Variants in FAF1 observed in about 807,000 individuals in gnomAD.
FAF1 encodes FAS-associated factor 1.
FAF1 carries 25 observed loss-of-function variants against 92.5 expected under a neutral mutation model. The observed-to-expected ratio is 0.27, with a 90% CI of 0.20 to 0.38. The LOEUF is 0.38. Ranked by LOEUF, FAF1 falls within the 10% of genes least tolerant of loss-of-function variation. The pLI is 1.00. For synonymous variants in FAF1, 234 were observed against 273.2 expected (o/e 0.86, Z 1.42); for missense variants, 636 against 793.3 (o/e 0.80, Z 2.38).
intron 6 of FAF1, among the ~76,000 whole-genome samples, chr1:50,732,986 G>C (rs183342093): frequency 1.1e-4 from 17 of 150,900 alleles, no homozygotes; most frequent in Non-Finnish European, 2.4e-4. Context: ...AGTATTTCTA[G>C]CCTTCTTCAA....
chr1:50,518,994 AAAC>A (rs1647346130), intron 15 of FAF1, among the ~76,000 whole-genome samples: 1 of 152,168 alleles, frequency 6.6e-6, no homozygotes, highest in African/African-American at 2.4e-5. Flanking sequence ...TTCTTCAGTG[AAAC>A]AACAGTGGGC....
At chr1:50,602,610 C>G (rs1557429940) in intron 8 of FAF1, among the ~76,000 whole-genome samples, 1 of 150,194 alleles carries the variant, frequency 6.7e-6, no homozygotes, top group Non-Finnish European at 1.5e-5. Context: ...TCAAACGATT[C>G]TCCTGCCTCA....
intron 6 of FAF1, among the ~76,000 whole-genome samples, chr1:50,731,502 T>C (rs1658922268): frequency 6.6e-6 from 1 of 151,956 alleles, no homozygotes; most frequent in Admixed American, 6.6e-5. Context: ...CCCCAGTAGC[T>C]GGGACTACAG....
At chr1:50,706,342 A>G (rs1241116594) in intron 6 of FAF1, among the ~76,000 whole-genome samples, 1 of 152,238 alleles carries the variant, frequency 6.6e-6, no homozygotes, top group Non-Finnish European at 1.5e-5. Context: ...GTCAAAATTC[A>G]GAAGATATTG....
intron 2 of FAF1, among the ~76,000 whole-genome samples, chr1:50,825,309 T>C (rs1357294861): frequency 2.0e-5 from 3 of 151,926 alleles, no homozygotes; most frequent in African/African-American, 7.2e-5. Flanking sequence ...AACCTAAAAA[T>C]GTTAAAATGA....
intron 15 of FAF1, among the ~76,000 whole-genome samples, chr1:50,496,005 T>C (rs1309333062): frequency 1.3e-5 from 2 of 152,106 alleles, no homozygotes; most frequent in Non-Finnish European, 2.9e-5. Context: ...AATAAAATAT[T>C]TTATGAGTTG....
intron 6 of FAF1, among the ~76,000 whole-genome samples, chr1:50,707,564 T>C (rs901909523): frequency 6.6e-6 from 1 of 151,074 alleles, no homozygotes; most frequent in Non-Finnish European, 1.5e-5. Context: ...TAGCTGGGCG[T>C]CGTGCTGGGC....
intron 18 of FAF1, among the ~76,000 whole-genome samples, chr1:50,456,975 C>T (rs921242012): frequency 6.6e-6 from 1 of 152,106 alleles, no homozygotes. Flanking sequence ...CTTGAACCAG[C>T]CATTTCTGCT....
At chr1:50,631,429 A>T (rs943176038) in intron 8 of FAF1, among the ~76,000 whole-genome samples, 2 of 152,160 alleles carry the variant, frequency 1.3e-5, no homozygotes, top group African/African-American at 4.8e-5. Context: ...AGTAGACCTT[A>T]TCAGATTTAT....
intron 8 of FAF1, among the ~76,000 whole-genome samples, chr1:50,631,148 C>T (rs753855497): frequency 5.3e-5 from 8 of 152,198 alleles, no homozygotes; most frequent in South Asian, 2.1e-4. Context: ...ACTGTCTAAA[C>T]GCATTTTTTT....
At chr1:50,608,024 A>G (rs576360330) in intron 8 of FAF1, among the ~76,000 whole-genome samples, 4 of 152,244 alleles carry the variant, frequency 2.6e-5, no homozygotes, top group Non-Finnish European at 5.9e-5. Context: ...TAGCAAAGCT[A>G]CTGCTCCTTG....
intron 7 of FAF1, 141 bp from the exon 8 acceptor site, chr1:50,655,669 C>T: frequency 1.8e-6 from 1 of 547,746 alleles, no homozygotes; most frequent in South Asian, 3.2e-5. Flanking sequence ...AAACCCAAGT[C>T]AAAAAATTTT....
At chr1:50,564,152 T>C (rs1650063689) in intron 13 of FAF1, among the ~76,000 whole-genome samples, 1 of 152,122 alleles carries the variant, frequency 6.6e-6, no homozygotes, top group Non-Finnish European at 1.5e-5. Context: ...GTCAGAGTAA[T>C]CCTTAAGCAA....
At chr1:50,588,750 C>G (rs1467028723) in intron 9 of FAF1, among the ~76,000 whole-genome samples, 1 of 152,200 alleles carries the variant, frequency 6.6e-6, no homozygotes, top group Non-Finnish European at 1.5e-5. Flanking sequence ...GAGTCCTCTG[C>G]TGTGCCTCTG....
chr1:50,890,202 T>C (rs960607844), intron 1 of FAF1, among the ~76,000 whole-genome samples: 1 of 152,232 alleles, frequency 6.6e-6, no homozygotes, highest in Non-Finnish European at 1.5e-5. Context: ...TTTTTTGCTT[T>C]CCATTTGCTT....
intron 4 of FAF1, among the ~76,000 whole-genome samples, chr1:50,752,464 C>T (rs1363103058): frequency 3.3e-5 from 5 of 152,186 alleles, no homozygotes; most frequent in East Asian, 3.9e-4. Context: ...TGTACGTAGG[C>T]GCTTCTTTCA....
intron 1 of FAF1, among the ~76,000 whole-genome samples, chr1:50,868,594 T>A (rs928689430): frequency 1.3e-5 from 2 of 152,208 alleles, no homozygotes; most frequent in South Asian, 4.1e-4. Context: ...CAAATTTTTA[T>A]ATGTATGTTC....
intron 1 of FAF1, among the ~76,000 whole-genome samples, chr1:50,904,485 T>C (rs2124712860): frequency 6.6e-6 from 1 of 152,326 alleles, no homozygotes; most frequent in East Asian, 1.9e-4. Context: ...AACAGAACAA[T>C]ACATTTTAAA....
At chr1:50,585,602 T>A (rs1009101135) in intron 9 of FAF1, among the ~76,000 whole-genome samples, 3 of 152,156 alleles carry the variant, frequency 2.0e-5, no homozygotes, top group Non-Finnish European at 4.4e-5. Context: ...TGAATATTCA[T>A]GCCTTAGGTA....
Sources: gnomAD v4.1 joint callset for allele counts (sites outside exome capture counted in the v4.1 genomes callset) on GRCh38, gnomAD v4.1.1 for gene constraint, MANE v1.5 for transcripts, NCBI Gene and HGNC (gene_info 2026-07-23, HGNC 2026-07-21) for gene names.